The following TCF20 variants were observed in gnomAD, a reference collection of about 807,000 sequenced individuals.
TCF20 encodes transcription factor 20.
In TCF20, 3 loss-of-function variants were observed where a neutral mutation model predicts 148.6. The observed-to-expected ratio is 0.02, with a 90% confidence interval of 0.01 to 0.05. The LOEUF (loss-of-function observed/expected upper bound fraction) is 0.05. TCF20 is among the 10% of genes least tolerant of loss of function. TCF20 has a pLI of 1.00. For missense variants in TCF20, 2,350 were observed against 2,429.3 expected (o/e 0.97, Z 0.69); for synonymous variants, 1,049 against 909.5 (o/e 1.15, Z -2.76).
intron 1 of TCF20, among the ~76,000 whole-genome samples, chr22:42,301,786 G>A (rs1003080713): frequency 7.2e-5 from 11 of 152,318 alleles, no homozygotes; most frequent in African/African-American, 2.2e-4. Context: ...CACTGCCAGC[G>A]GGCAAAACCC....
intron 1 of TCF20, among the ~76,000 whole-genome samples, chr22:42,261,000 C>T (rs951935607): frequency 6.6e-6 from 1 of 152,200 alleles, no homozygotes; most frequent in Non-Finnish European, 1.5e-5. Context: ...AGTTCCCTCA[C>T]ATCTTCTCTT....
At chr22:42,202,277 T>C (rs1212843545) in intron 2 of TCF20, among the ~76,000 whole-genome samples, 3 of 152,192 alleles carry the variant, frequency 2.0e-5, no homozygotes, top group South Asian at 2.1e-4. Flanking sequence ...AGTCTGCAGC[T>C]TGCATTTCCT....
At position 42,317,995 on chromosome 22, in the gene TCF20, C is replaced by A. The variant is rs1321019833; in HGVS notation, c.-37+25484G>T. 6.6e-6 allele frequency among the ~76,000 whole-genome samples: 1 copy of A among 152,098 alleles called. No homozygotes were observed. Among genetic ancestry groups the A allele is most frequent in the African/African-American group, 2.4e-5 (1 of 41,352 alleles). On this transcript the variant is annotated intron_variant, in intron 1 of 1. Coordinates refer to the TCF20 transcript ENST00000515426. This position sits in a 1 kb window ranked among gnomAD's most constrained non-coding sequence, Gnocchi z 4.2. ...GCAGGCAGGCCCAGGCCCAGACAAG[C>A]CCCTGCACAGGGGCGTGTGCCCAGG...
At chr22:42,337,482 G>A (rs999326627) in intron 1 of TCF20, among the ~76,000 whole-genome samples, 24 of 152,068 alleles carry the variant, frequency 1.6e-4, no homozygotes, top group African/African-American at 5.6e-4. Flanking sequence ...CTGTGCTTTT[G>A]TACCTCCAAG....
chr22:42,270,873 T>C (rs1926589403), upstream of TCF20, among the ~76,000 whole-genome samples: 4 of 150,202 alleles, frequency 2.7e-5, no homozygotes, highest in Admixed American at 2.6e-4. Flanking sequence ...CGCACGGGGT[T>C]CTCCTCTGCG....
At chr22:42,220,920 C>T (rs1056636641) in intron 1 of TCF20, among the ~76,000 whole-genome samples, 4 of 152,186 alleles carry the variant, frequency 2.6e-5, no homozygotes, top group Admixed American at 6.5e-5. Flanking sequence ...GTAACAACTC[C>T]CTGCTACTGC....
At position 42,317,332 on chromosome 22, in the gene TCF20, T is replaced by G. The variant is rs1927649515; in HGVS notation, c.-37+26147A>C. Among the ~76,000 whole-genome samples the G allele has an allele frequency of 6.6e-6, 1 of 152,134 alleles. No homozygotes were observed. Among genetic ancestry groups the G allele is most frequent in the Non-Finnish European group, 1.5e-5 (1 of 68,026 alleles). On this transcript the variant is annotated intron_variant, in intron 1 of 1. Transcript: ENST00000515426. The surrounding 1 kb of genome is among the most constrained non-coding windows in gnomAD (Gnocchi z 4.2). ...GCAATATTTCACCTCGCCCAGAAATTTACTGCAAGTTCTCAAGTCTCCCTA... is the reference window on the plus strand; with the variant it reads ...GCAATATTTCACCTCGCCCAGAAATGTACTGCAAGTTCTCAAGTCTCCCTA...
intron 1 of TCF20, among the ~76,000 whole-genome samples, chr22:42,325,395 G>C (rs1927856628): frequency 6.6e-6 from 1 of 151,974 alleles, no homozygotes; most frequent in Non-Finnish European, 1.5e-5. Flanking sequence ...CAACAGGTGG[G>C]GCCCTTGGGG....
At chr22:42,283,994 C>T (rs1926972976) in exon 1 of TCF20, among the ~76,000 whole-genome samples, 1 of 152,202 alleles carries the variant, frequency 6.6e-6, no homozygotes, top group Non-Finnish European at 1.5e-5. Context: ...CTCCTCGCGG[C>T]TCCTCCTGCC....
chr22:42,334,572 C>T (rs1335793808), intron 1 of TCF20, among the ~76,000 whole-genome samples: 1 of 152,236 alleles, frequency 6.6e-6, no homozygotes, highest in Non-Finnish European at 1.5e-5. Context: ...GAGGTGGTTC[C>T]GAGTCAACAA....
At chr22:42,258,265 T>TCC (rs138966451) in intron 1 of TCF20, among the ~76,000 whole-genome samples, 3 of 149,832 alleles carry the variant, frequency 2.0e-5, no homozygotes, top group African/African-American at 7.4e-5. Context: ...TCTCCATACC[T>TCC]CCCCCCCCTT....
chr22:42,191,003 T>C (rs993556729), intron 2 of TCF20, among the ~76,000 whole-genome samples: 6 of 152,142 alleles, frequency 3.9e-5, no homozygotes, highest in African/African-American at 1.4e-4. Context: ...GGTTCTGCAT[T>C]AATAAATTTA....
At chr22:42,227,169 G>C (rs963536630) in intron 1 of TCF20, among the ~76,000 whole-genome samples, 7 of 152,220 alleles carry the variant, frequency 4.6e-5, no homozygotes, top group African/African-American at 1.7e-4. Context: ...CGTAATCCTA[G>C]CTACTCGAGT....
At chr22:42,200,007 T>C (rs1228857141) in intron 2 of TCF20, among the ~76,000 whole-genome samples, 1 of 152,098 alleles carries the variant, frequency 6.6e-6, no homozygotes, top group African/African-American at 2.4e-5. Context: ...TTTCCTATTT[T>C]TCTCTCCACT....
chr22:42,257,264 T>C (rs1419096676), intron 1 of TCF20, among the ~76,000 whole-genome samples: 1 of 152,230 alleles, frequency 6.6e-6, no homozygotes, highest in Non-Finnish European at 1.5e-5. Flanking sequence ...TCTGACCCTG[T>C]CTGCTATGGT....
intron 1 of TCF20, among the ~76,000 whole-genome samples, chr22:42,308,335 G>A (rs1252399164): frequency 6.6e-6 from 1 of 152,124 alleles, no homozygotes; most frequent in African/African-American, 2.4e-5. Flanking sequence ...GCGCTTCCTG[G>A]AGGGGGCCCA....
chr22:42,319,790 C>T (rs1415404633), intron 1 of TCF20, among the ~76,000 whole-genome samples: 1 of 152,174 alleles, frequency 6.6e-6, no homozygotes, highest in East Asian at 1.9e-4. Flanking sequence ...GGTGGACAGG[C>T]GAGGAGGCCG....
intron 1 of TCF20, among the ~76,000 whole-genome samples, chr22:42,262,543 T>G (rs1926085682): frequency 6.6e-6 from 1 of 151,954 alleles, no homozygotes; most frequent in South Asian, 2.1e-4. Flanking sequence ...GAGCAGGAGT[T>G]GAAGGCGCTA....
At chr22:42,229,795 T>C (rs1471047957) in intron 1 of TCF20, among the ~76,000 whole-genome samples, 2 of 152,198 alleles carry the variant, frequency 1.3e-5, no homozygotes, top group African/African-American at 2.4e-5. Flanking sequence ...CTTGGTGATC[T>C]TGCCTTCCCC....
Sources: allele counts gnomAD v4.1 joint callset (sites outside exome capture counted in the v4.1 genomes callset), GRCh38; gene constraint gnomAD v4.1.1; non-coding constraint Gnocchi (gnomAD v3.1); transcripts MANE v1.5; gene names NCBI Gene and HGNC (gene_info 2026-07-23, HGNC 2026-07-21).